The following ERBB4 variants were observed in gnomAD, a reference collection of about 807,000 sequenced individuals.
The protein encoded by ERBB4 is receptor tyrosine-protein kinase erbB-4.
A neutral mutation model predicts 158.0 loss-of-function variants in ERBB4; 42 were observed. The ratio of observed to expected loss-of-function variants is 0.27; its 90% CI spans 0.21 to 0.34. The LOEUF is 0.34. Ranked by LOEUF, ERBB4 falls within the 10% of genes least tolerant of loss-of-function variation. ERBB4 has a pLI of 1.00. For missense variants in ERBB4, 1,333 were observed against 1,624.1 expected, an observed-to-expected ratio of 0.82 and a Z score of 3.08; for synonymous variants, 583 against 558.7, an observed-to-expected ratio of 1.04 and a Z score of -0.61.
chr2:211,671,917 T>C (rs2071858187), intron 14 of ERBB4, among the ~76,000 whole-genome samples: 1 of 152,192 alleles, frequency 6.6e-6, no homozygotes, highest in African/African-American at 2.4e-5. Flanking sequence ...AGAAAATAGC[T>C]GCAAATGCCC....
At position 212,055,254 on chromosome 2, in the gene ERBB4, G is replaced by T. The variant is rs374930101; in HGVS notation, c.234+69498C>A. 1.2e-3 allele frequency among the ~76,000 whole-genome samples: 190 copies of T among 152,336 alleles called. 3 individuals are homozygous for T. In the South Asian group the frequency reaches 0.022, roughly 17 times the overall value. On this transcript the variant is annotated intron_variant, in intron 2 of 27. Transcript: ENST00000342788. ...AGGCAGCAGTGAGTCTGGGGAAGGG[G>T]TGCCCGCCATTGCTGAGGCTTGAGT... is the stretch of plus-strand genomic sequence containing the variant.
chr2:211,897,752 C>A (rs1308106144), intron 3 of ERBB4, among the ~76,000 whole-genome samples: 2 of 151,492 alleles, frequency 1.3e-5, no homozygotes, highest in African/African-American at 4.9e-5. Flanking sequence ...TTGTTTTTTG[C>A]TTTTGTTTTT....
chr2:212,402,685 G>C (rs1379714456), intron 1 of ERBB4, among the ~76,000 whole-genome samples: 1 of 151,912 alleles, frequency 6.6e-6, no homozygotes, highest in East Asian at 1.9e-4. Context: ...TCAATTAAAA[G>C]TCAGTAATTT....
chr2:212,310,900 T>C (rs982642758), intron 1 of ERBB4, among the ~76,000 whole-genome samples: 1 of 150,576 alleles, frequency 6.6e-6, no homozygotes, highest in African/African-American at 2.4e-5. Context: ...ATATATTTAA[T>C]ATATCCACAT....
At chr2:212,473,823 G>T (rs1228496349) in intron 1 of ERBB4, among the ~76,000 whole-genome samples, 1 of 151,852 alleles carries the variant, frequency 6.6e-6, no homozygotes, top group East Asian at 1.9e-4. Context: ...GTAAAGTTTT[G>T]AATTAACCAA....
At chr2:212,120,719 C>G (rs2079721219) in intron 2 of ERBB4, among the ~76,000 whole-genome samples, 1 of 152,042 alleles carries the variant, frequency 6.6e-6, no homozygotes, top group Non-Finnish European at 1.5e-5. Context: ...AGAAATGAAT[C>G]CAGAATGAAA....
chr2:212,480,425 G>A lies in ERBB4; in HGVS notation c.82+58024C>T, dbSNP rs373237093. The stretch of plus-strand genomic sequence containing the variant: ...ATGGATGCAAGGCTTTCTCGGCCAC[G>A]ATGGAGATTTTGGATACTGTTTAAA... On this transcript the variant is annotated intron_variant, in intron 1 of 27. Coordinates refer to ENST00000342788, the MANE Select transcript of ERBB4 (RefSeq NM_005235.3). 1.5e-4 allele frequency among the ~76,000 whole-genome samples: 23 copies of A among 152,322 alleles called. 1 individual carries two copies. The highest frequency in any genetic ancestry group is 1.2e-3 in the South Asian group (6 of 4,832).
Position 212,060,869 on chromosome 2 carries a change from T to G in ERBB4, c.234+63883A>C, listed in dbSNP as rs966741421. Reference sequence around the variant, plus strand: ...AGATATACCTAATGTAAATGAGGAGTTAAAGAGTGCAGCACACCAACATGG... The same window carrying G: ...AGATATACCTAATGTAAATGAGGAGGTAAAGAGTGCAGCACACCAACATGG... On this transcript the variant is annotated intron_variant, in intron 2 of 27. Coordinates refer to ENST00000342788, the MANE Select transcript of ERBB4 (RefSeq NM_005235.3). 2.0e-5 allele frequency among the ~76,000 whole-genome samples: 3 copies of G among 149,340 alleles called. No individual in the cohort carries two copies. The East Asian group carries it at 6.1e-4, about 30-fold the overall frequency.
chr2:211,934,941 A>AAAAAAAAAAAAAAAAAAC (rs1575401060), intron 3 of ERBB4, among the ~76,000 whole-genome samples: 1 of 150,222 alleles, frequency 6.7e-6, no homozygotes, highest in Non-Finnish European at 1.5e-5. Context: ...AAAAAAAAAA[A>AAAAAAAAAAAAAAAAAAC]CTGCCTTGAA....
chr2:211,413,017 C>T (rs547341867), intron 25 of ERBB4, among the ~76,000 whole-genome samples: 41 of 151,552 alleles, frequency 2.7e-4, no homozygotes, highest in African/African-American at 8.7e-4. Context: ...CTACTTAGGC[C>T]CAGTGCTGTG....
At chr2:212,342,560 G>T (rs1232723635) in intron 1 of ERBB4, among the ~76,000 whole-genome samples, 1 of 152,054 alleles carries the variant, frequency 6.6e-6, no homozygotes, top group Non-Finnish European at 1.5e-5. Flanking sequence ...GTATGAAAAT[G>T]GACTAATACA....
chr2:212,108,311 G>A (rs2079292507), intron 2 of ERBB4, among the ~76,000 whole-genome samples: 1 of 152,120 alleles, frequency 6.6e-6, no homozygotes, highest in African/African-American at 2.4e-5. Context: ...TATTCGTGAA[G>A]ATCAGTGGAA....
intron 25 of ERBB4, among the ~76,000 whole-genome samples, chr2:211,414,870 A>G (rs977588896): frequency 3.9e-4 from 60 of 152,042 alleles, no homozygotes; most frequent in African/African-American, 1.4e-3. Context: ...TCCATAGCTC[A>G]ATTATTTTTT....
At position 212,111,275 on chromosome 2, in the gene ERBB4, A is replaced by T. The variant is rs1380268472; in HGVS notation, c.234+13477T>A. On this transcript the variant is annotated intron_variant, in intron 2 of 27. Transcript: ENST00000342788. The stretch of plus-strand genomic sequence containing the variant: ...ATTATTGAATACATCTCTGCCTTCA[A>T]CTGCCACTCCAAATAACTGATTCCA... Among the ~76,000 whole-genome samples, 4 of 152,328 alleles carry T rather than the reference A, an allele frequency of 2.6e-5. No homozygotes were observed. The East Asian group carries it at 7.7e-4, about 29-fold the overall frequency.
chr2:211,459,306 C>T (rs775725368), intron 20 of ERBB4, among the ~76,000 whole-genome samples: 1 of 152,202 alleles, frequency 6.6e-6, no homozygotes, highest in Admixed American at 6.5e-5. Context: ...TCTATGGGGA[C>T]ACTTTCTCTA....
chr2:212,258,666 G>A (rs62182619), intron 1 of ERBB4, among the ~76,000 whole-genome samples: 25,669 of 148,780 alleles, frequency 0.17, 2,504 homozygotes, highest in Non-Finnish European at 0.2. Flanking sequence ...GAACATTGAG[G>A]CAGTCTAGTT....
intron 2 of ERBB4, among the ~76,000 whole-genome samples, chr2:212,088,057 A>G (rs186811191): frequency 3.9e-5 from 6 of 152,164 alleles, no homozygotes; most frequent in Admixed American, 3.9e-4. Flanking sequence ...TGTTGTTTTT[A>G]TATATCTGCT....
chr2:211,388,141 A>G (rs550204193), intron 25 of ERBB4, 149 bp from the exon 26 acceptor site: 3 of 677,334 alleles, frequency 4.4e-6, no homozygotes, highest in East Asian at 5.0e-5. Context: ...AAGCAGCACA[A>G]TTGTATGCAT....
chr2:212,032,265 G>A (rs2076920684), intron 2 of ERBB4, among the ~76,000 whole-genome samples: 1 of 151,970 alleles, frequency 6.6e-6, no homozygotes, highest in South Asian at 2.1e-4. Flanking sequence ...ATTCTGGGTT[G>A]CCATGTTGTG....
Sources: gnomAD v4.1 joint callset for allele counts (sites outside exome capture counted in the v4.1 genomes callset) on GRCh38, gnomAD v4.1.1 for gene constraint, MANE v1.5 for transcripts, NCBI Gene and HGNC (gene_info 2026-07-23, HGNC 2026-07-21) for gene names.